Variants in BCHE observed in about 807,000 individuals in gnomAD.
The protein encoded by BCHE is butyrylcholinesterase, also known as cholinesterase.
A neutral mutation model predicts 51.3 loss-of-function variants in BCHE; 48 were observed. That is an observed-to-expected ratio of 0.94 (90% confidence interval 0.74 to 1.19). BCHE has a LOEUF of 1.19. Among genes scored for constraint, BCHE ranks in the 50% most tolerant of loss-of-function variants. The pLI, the probability that BCHE is intolerant of heterozygous loss-of-function variation, is 0.00. For missense variants in BCHE, 847 were observed against 708.2 expected (o/e 1.20, Z -2.23); for synonymous variants, 251 against 238.0 (o/e 1.05, Z -0.50).
chr3:165,821,765 G>T (rs1714526768), intron 2 of BCHE, among the ~76,000 whole-genome samples: 1 of 151,700 alleles, frequency 6.6e-6, no homozygotes, highest in Admixed American at 6.6e-5. Context: ...TTAGTAAAAA[G>T]ATGAATATCT....
chr3:165,830,250 T>A lies in BCHE; in HGVS notation c.784A>T (p.Thr262Ser). Reference sequence around the variant, plus strand: ...CTGTTCCTAGCTTCATAAAGAGATGTTACCGCCCAAGGAGCATTAAAGGAT... The same window carrying A: ...CTGTTCCTAGCTTCATAAAGAGATGATACCGCCCAAGGAGCATTAAAGGAT... ...SGSFNAPWAV[T>S]SLYEARNRTL... Residue 262 changes from threonine (T) to serine (S), a missense_variant, in exon 2 of 4, where the codon ACA (threonine) becomes TCA (serine). Physicochemically the swap from Thr to Ser is moderately conservative, Grantham distance 58. Coordinates refer to ENST00000264381, the MANE Select transcript of BCHE (RefSeq NM_000055.4). The A allele has an allele frequency of 6.2e-7, 1 of 1,613,998 alleles. No individual in the cohort carries two copies. The highest frequency in any genetic ancestry group is 2.2e-5 in the East Asian group (1 of 44,878).
chr3:165,831,164 C>G, intron 1 of BCHE, 123 bp from the exon 2 acceptor site: 7 of 925,092 alleles, frequency 7.6e-6, no homozygotes, highest in Non-Finnish European at 1.1e-5. Flanking sequence ...ACAAATAAAC[C>G]TGCTTCTGTA....
At chr3:165,821,444 AAGAG>A (rs554173686) in intron 2 of BCHE, among the ~76,000 whole-genome samples, 3 of 151,748 alleles carry the variant, frequency 2.0e-5, no homozygotes, top group Non-Finnish European at 3.0e-5. Context: ...ATTAAAAAAA[AAGAG>A]AGAGAGAGCG....
chr3:165,789,494 C>T (rs1019208725), intron 2 of BCHE, among the ~76,000 whole-genome samples: 1 of 152,070 alleles, frequency 6.6e-6, no homozygotes, highest in African/African-American at 2.4e-5. Context: ...ATTATAGAAT[C>T]CTAGTGCTGC....
intron 2 of BCHE, among the ~76,000 whole-genome samples, chr3:165,811,117 T>C (rs1014855136): frequency 6.6e-6 from 1 of 152,130 alleles, no homozygotes; most frequent in Non-Finnish European, 1.5e-5. Context: ...ATAGCAGCAA[T>C]GTTATATTTT....
chr3:165,777,702 C>A, intron 3 of BCHE: 1 of 437,644 alleles, frequency 2.3e-6, no homozygotes. Context: ...GTCTGAACTG[C>A]ACAAGTCCAC....
At chr3:165,827,608 C>CA (rs200324475) in intron 2 of BCHE, among the ~76,000 whole-genome samples, 5 of 151,536 alleles carry the variant, frequency 3.3e-5, no homozygotes, top group African/African-American at 9.7e-5. Context: ...TTGCAACATG[C>CA]AAAAAAATGA....
chr3:165,778,407 T>C (rs1478284553), intron 3 of BCHE: 1 of 174,976 alleles, frequency 5.7e-6, no homozygotes, highest in Admixed American at 5.5e-5. Context: ...AAAGAATAAC[T>C]CGTGAATATA....
At chr3:165,791,089 G>T (rs3941625) in intron 2 of BCHE, among the ~76,000 whole-genome samples, 78,090 of 151,874 alleles carry the variant, frequency 0.51, 23,613 homozygotes, top group East Asian at 0.66. Context: ...GAGGTCAGAA[G>T]TTCAACACCA....
At chr3:165,803,686 T>A (rs1418233246) in intron 2 of BCHE, among the ~76,000 whole-genome samples, 2 of 152,168 alleles carry the variant, frequency 1.3e-5, no homozygotes, top group Non-Finnish European at 2.9e-5. Flanking sequence ...AGAATGATGA[T>A]CAATATTGAC....
At chr3:165,824,654 T>C (rs1261940887) in intron 2 of BCHE, among the ~76,000 whole-genome samples, 1 of 151,990 alleles carries the variant, frequency 6.6e-6, no homozygotes, top group Non-Finnish European at 1.5e-5. Context: ...AATTAAAAAA[T>C]TGATAAATCT....
intron 2 of BCHE, among the ~76,000 whole-genome samples, chr3:165,793,551 A>G (rs967946903): frequency 6.6e-6 from 1 of 152,264 alleles, no homozygotes; most frequent in Non-Finnish European, 1.5e-5. Flanking sequence ...AGTAAGAAAC[A>G]TCACAACTGA....
intron 2 of BCHE, among the ~76,000 whole-genome samples, chr3:165,789,005 A>G (rs1476619652): frequency 6.6e-6 from 1 of 152,182 alleles, no homozygotes; most frequent in East Asian, 1.9e-4. Context: ...AATACAACAT[A>G]TTTCCACCAT....
intron 2 of BCHE, among the ~76,000 whole-genome samples, chr3:165,793,794 C>A (rs1406605130): frequency 6.6e-6 from 1 of 152,172 alleles, no homozygotes; most frequent in African/African-American, 2.4e-5. Context: ...TGCCTGTAAT[C>A]CCAGCACTTT....
At chr3:165,786,336 T>C (rs529575914) in intron 2 of BCHE, 25 bp from the exon 3 acceptor site, 3 of 1,578,890 alleles carry the variant, frequency 1.9e-6, no homozygotes, top group East Asian at 2.3e-5. Flanking sequence ...AGAGACATTA[T>C]AGTAAAATTG....
chr3:165,825,802 C>T (rs982288949), intron 2 of BCHE, among the ~76,000 whole-genome samples: 1 of 151,932 alleles, frequency 6.6e-6, no homozygotes, highest in African/African-American at 2.4e-5. Flanking sequence ...AGAATTCTTA[C>T]AAGTCAATGA....
chr3:165,792,028 T>A (rs56375675), intron 2 of BCHE, among the ~76,000 whole-genome samples: 1 of 151,926 alleles, frequency 6.6e-6, no homozygotes, highest in South Asian at 2.1e-4. Context: ...AAATTTTACA[T>A]CCAAATGGAG....
At chr3:165,780,907 C>G (rs1245185581) in intron 3 of BCHE, among the ~76,000 whole-genome samples, 1 of 152,144 alleles carries the variant, frequency 6.6e-6, no homozygotes, top group Non-Finnish European at 1.5e-5. Flanking sequence ...AATCCCATTA[C>G]TGGGTGTATA....
At chr3:165,783,620 T>C (rs1395360557) in intron 3 of BCHE, among the ~76,000 whole-genome samples, 1 of 152,072 alleles carries the variant, frequency 6.6e-6, no homozygotes, top group Non-Finnish European at 1.5e-5. Flanking sequence ...GCATGATTTA[T>C]TCAAAGGTCA....
Sources: gnomAD v4.1 joint callset for allele counts (sites outside exome capture counted in the v4.1 genomes callset) on GRCh38, gnomAD v4.1.1 for gene constraint, MANE v1.5 for transcripts, NCBI Gene and HGNC (gene_info 2026-07-23, HGNC 2026-07-21) for gene names.